The following AUH variants were observed in gnomAD, a reference collection of about 807,000 sequenced individuals.
AUH encodes the protein AU RNA binding methylglutaconyl-CoA hydratase, also known as methylglutaconyl-CoA hydratase, mitochondrial.
AUH carries 29 observed loss-of-function variants against 42.3 expected under a neutral mutation model. The ratio of observed to expected loss-of-function variants is 0.69; its 90% CI spans 0.51 to 0.93. AUH has a LOEUF of 0.93. AUH is among the 40% of genes least tolerant of loss of function. The pLI is 0.00. For missense variants in AUH, 452 were observed against 438.1 expected, an observed-to-expected ratio of 1.03 and a Z score of -0.28; for synonymous variants, 174 against 166.4, an observed-to-expected ratio of 1.05 and a Z score of -0.35.
chr9:91,361,038 C>G lies in AUH; in HGVS notation c.262+590G>C, dbSNP rs545915511. Among the ~76,000 whole-genome samples the G allele has an allele frequency of 8.5e-5, 13 of 152,286 alleles. No homozygotes were observed. In the East Asian group the frequency reaches 2.3e-3, roughly 27 times the overall value. On this transcript the variant is annotated intron_variant, in intron 1 of 9. Transcript: ENST00000375731. ...CCTCCCGTAGAAGGTAGCTCAAGGG[C>G]AAGATCCATACCATCCACATTCTTA...
rs1826876761 is a variant in AUH at position 91,217,292 on chromosome 9, A to G, written c.879T>C (p.Ile293=). ...AGGAACCTACCTCCATCCCTTGATT[A>G]ATTGCTAATTTTGCCACTCTCATTG... ...PVAMRVAKLA[I]NQGMEVDLVT... The change falls in exon 8 of 10, where the codon ATT becomes ATC. Residue 293 remains isoleucine (I), a synonymous_variant. Transcript: ENST00000375731. 1.2e-6 allele frequency: 2 copies of G among 1,613,900 alleles called. No individual in the cohort carries two copies. Among genetic ancestry groups the G allele is most frequent in the Non-Finnish European group, 1.7e-6 (2 of 1,179,850 alleles).
intron 4 of AUH, among the ~76,000 whole-genome samples, chr9:91,324,469 T>C (rs1829819468): frequency 1.3e-5 from 2 of 149,860 alleles, no homozygotes; most frequent in African/African-American, 4.9e-5. Context: ...TGCCACTGCA[T>C]TCCAGCCTGG....
chr9:91,228,072 T>G (rs1432184988), intron 6 of AUH, among the ~76,000 whole-genome samples: 1 of 152,240 alleles, frequency 6.6e-6, no homozygotes, highest in African/African-American at 2.4e-5. Flanking sequence ...CCTCAGAAAA[T>G]GAGTTAGGGA....
intron 6 of AUH, among the ~76,000 whole-genome samples, chr9:91,288,448 C>T (rs995362141): frequency 3.3e-5 from 5 of 151,906 alleles, no homozygotes; most frequent in South Asian, 2.1e-4. Context: ...ACGTTGGAGA[C>T]GAAACTAGGG....
At chr9:91,279,818 T>C (rs1256050767) in intron 6 of AUH, among the ~76,000 whole-genome samples, 1 of 152,206 alleles carries the variant, frequency 6.6e-6, no homozygotes, top group East Asian at 1.9e-4. Context: ...CCAAAGCACA[T>C]GCCATGAGCT....
intron 6 of AUH, among the ~76,000 whole-genome samples, chr9:91,287,560 T>C (rs772295956): frequency 3.5e-4 from 53 of 152,170 alleles, no homozygotes; most frequent in Non-Finnish European, 7.2e-4. Context: ...GGGTAAAGCG[T>C]ACATAAGAGT....
rs1400666569 is a variant in AUH at position 91,294,583 on chromosome 9, G to A, written c.655+1438C>T. The A allele has an allele frequency of 1.0e-5, 4 of 396,798 alleles. No homozygotes were observed. In the East Asian group the frequency reaches 2.9e-4, roughly 29 times the overall value. The allele number at this position is 396,798 out of a possible 1,614,324, so 24.6% of individuals were successfully genotyped here. On this transcript the variant is annotated intron_variant, in intron 6 of 9. Transcript: ENST00000375731. ...ACAAAACAAAAACCACATTTCATAA[G>A]GCTATAGCTGCCATAGACAGTGATT... is the stretch of plus-strand genomic sequence containing the variant.
chr9:91,262,003 C>A (rs1353449421), intron 6 of AUH, among the ~76,000 whole-genome samples: 1 of 152,102 alleles, frequency 6.6e-6, no homozygotes, highest in Non-Finnish European at 1.5e-5. Context: ...TAGAAAGTTA[C>A]TGAGTCAGTC....
intron 6 of AUH, among the ~76,000 whole-genome samples, chr9:91,268,696 C>G (rs532687062): frequency 1.8e-4 from 27 of 152,290 alleles, no homozygotes; most frequent in African/African-American, 6.0e-4. Context: ...TCCGAAAGTG[C>G]TAAGATTACA....
At chr9:91,294,962 T>C (rs1234051945) in intron 6 of AUH, among the ~76,000 whole-genome samples, 1 of 152,202 alleles carries the variant, frequency 6.6e-6, no homozygotes, top group Non-Finnish European at 1.5e-5. Flanking sequence ...TCCTGAATTG[T>C]AGCTCCCATA....
chr9:91,253,544 C>T (rs1829249122), intron 6 of AUH, among the ~76,000 whole-genome samples: 1 of 152,202 alleles, frequency 6.6e-6, no homozygotes, highest in South Asian at 2.1e-4. Flanking sequence ...CACAGTAAAC[C>T]TCCTAGCCCA....
intron 6 of AUH, among the ~76,000 whole-genome samples, chr9:91,244,512 G>C (rs1297206477): frequency 6.6e-6 from 1 of 152,168 alleles, no homozygotes; most frequent in Non-Finnish European, 1.5e-5. Flanking sequence ...AACATTTTAA[G>C]GCACAGCTAG....
At chr9:91,218,918 A>C (rs1826973611) in intron 7 of AUH, 1 of 985,328 alleles carries the variant, frequency 1.0e-6, no homozygotes, top group Non-Finnish European at 1.2e-6. Context: ...GAAGTAACTC[A>C]ACATCTTCTT....
intron 6 of AUH, among the ~76,000 whole-genome samples, chr9:91,248,937 C>A (rs1564028681): frequency 6.6e-6 from 1 of 152,134 alleles, no homozygotes; most frequent in East Asian, 1.9e-4. Flanking sequence ...GATACTGTGA[C>A]TAGGCTTCTA....
At chr9:91,316,411 G>A (rs78046600) in intron 4 of AUH, among the ~76,000 whole-genome samples, 4,361 of 152,218 alleles carry the variant, frequency 0.029, 140 homozygotes, top group African/African-American at 0.083. Flanking sequence ...GTGAACTACC[G>A]AGTCTTATGG....
chr9:91,276,122 A>G (rs1039179858), intron 6 of AUH, among the ~76,000 whole-genome samples: 2 of 152,106 alleles, frequency 1.3e-5, no homozygotes, highest in African/African-American at 4.8e-5. Flanking sequence ...CTGCATTTCA[A>G]AATTTGAAAA....
chr9:91,338,905 G>A (rs1830897004), intron 3 of AUH, among the ~76,000 whole-genome samples: 3 of 151,984 alleles, frequency 2.0e-5, no homozygotes, highest in South Asian at 4.1e-4. Flanking sequence ...GGAGGAAGTG[G>A]GTACTGACAC....
At chr9:91,262,224 A>G (rs1264710625) in intron 6 of AUH, among the ~76,000 whole-genome samples, 2 of 152,184 alleles carry the variant, frequency 1.3e-5, no homozygotes, top group Non-Finnish European at 2.9e-5. Flanking sequence ...TACATCCATT[A>G]CTCGCCAACC....
At chr9:91,314,308 C>A (rs1263321787) in intron 4 of AUH, among the ~76,000 whole-genome samples, 1 of 151,694 alleles carries the variant, frequency 6.6e-6, no homozygotes, top group Non-Finnish European at 1.5e-5. Context: ...AGTTCGAAAC[C>A]AGTCTGGGAA....
Sources: gnomAD v4.1 joint callset for allele counts (sites outside exome capture counted in the v4.1 genomes callset) on GRCh38, gnomAD v4.1.1 for gene constraint, MANE v1.5 for transcripts, NCBI Gene and HGNC (gene_info 2026-07-23, HGNC 2026-07-21) for gene names.